Variants in FEZ2 observed in about 807,000 individuals in gnomAD.
The protein encoded by FEZ2 is fasciculation and elongation protein zeta 2, also known as fasciculation and elongation protein zeta-2.
Under a neutral mutation model 40.4 loss-of-function variants are expected in FEZ2, and 51 were observed. The observed-to-expected ratio is 1.26, with a 90% CI of 1.01 to 1.59. The LOEUF is 1.59. Among genes scored for constraint, FEZ2 ranks in the 40% most tolerant of loss-of-function variants. The probability of loss-of-function intolerance (pLI) is 0.00; values close to 1 mark genes in which losing one functional copy is unlikely to be tolerated. For synonymous variants in FEZ2, 242 were observed against 172.0 expected (o/e 1.41, Z -3.18); for missense variants, 640 against 438.3 (o/e 1.46, Z -4.11).
rs752066786 is a variant in FEZ2 at position 36,583,370 on chromosome 2, G to T, written c.475C>A (p.Leu159Ile). ...CTCTATACCTGGTCTGCCGTGAAGAGGGGTTCATCATTAACACAGGAGACG... is the reference window on the plus strand; with the variant it reads ...CTCTATACCTGGTCTGCCGTGAAGATGGGTTCATCATTAACACAGGAGACG... ...IIVSCVNDEP[L>I]FTADQVIEEI... Residue 159 changes from leucine (L) to isoleucine (I), a missense_variant, in exon 3 of 8, where the codon CTC (leucine) becomes ATC (isoleucine). Leu to Ile is a conservative substitution (Grantham distance 5, BLOSUM62 2). Coordinates refer to ENST00000405912, the MANE Select transcript of FEZ2 (RefSeq NM_005102.3). The T allele has an allele frequency of 1.3e-6, 2 of 1,579,842 alleles. No homozygotes were observed. Among genetic ancestry groups the T allele is most frequent in the Non-Finnish European group, 1.7e-6 (2 of 1,148,970 alleles).
intron 6 of FEZ2, chr2:36,557,803 A>C (rs1424900712): frequency 6.6e-6 from 1 of 152,146 alleles, no homozygotes; most frequent in Non-Finnish European, 1.5e-5. Flanking sequence ...ATTTGCGGCC[A>C]TCATAAGAGA....
intron 5 of FEZ2, among the ~76,000 whole-genome samples, chr2:36,574,750 C>G (rs1053842512): frequency 2.0e-5 from 3 of 152,152 alleles, no homozygotes; most frequent in African/African-American, 7.2e-5. Context: ...ACAGCATGGT[C>G]AGCACAAAGA....
At chr2:36,559,791 T>G (rs1181971586) in intron 5 of FEZ2, among the ~76,000 whole-genome samples, 1 of 152,236 alleles carries the variant, frequency 6.6e-6, no homozygotes, top group East Asian at 1.9e-4. Context: ...ACTGACAGTC[T>G]GGAAGATTCC....
At chr2:36,561,499 G>C (rs571970533) in intron 5 of FEZ2, 3 of 152,130 alleles carry the variant, frequency 2.0e-5, no homozygotes, top group Admixed American at 6.5e-5. Flanking sequence ...TTTCCACTCC[G>C]TTTCTAGGAA....
intron 2 of FEZ2, among the ~76,000 whole-genome samples, chr2:36,587,250 A>G (rs1299091569): frequency 2.0e-5 from 3 of 152,212 alleles, no homozygotes; most frequent in South Asian, 4.1e-4. Context: ...TTCCAGAGAG[A>G]GAGCCAAGTC....
At chr2:36,560,916 A>C (rs1181414251) in intron 5 of FEZ2, 1 of 1,177,470 alleles carries the variant, frequency 8.5e-7, no homozygotes, top group Non-Finnish European at 1.2e-6. Context: ...AAAGAAGTTC[A>C]AAGTCTATTA....
chr2:36,597,933 C>T lies in FEZ2; in HGVS notation c.210G>A (p.Glu70=). 1 of 1,439,116 alleles carries T rather than the reference C, an allele frequency of 6.9e-7. No individual in the cohort carries two copies. Among genetic ancestry groups the T allele is most frequent in the East Asian group, 3.0e-5 (1 of 33,358 alleles). The allele number at this position is 1,439,116 out of a possible 1,614,324, so 89.1% of individuals were successfully genotyped here. A position where few individuals can be genotyped will look rare whatever the true frequency, so the allele number is the denominator to read the frequency against. The change falls in exon 1 of 8, where the codon GAG becomes GAA. Residue 70 remains glutamate (E), a synonymous_variant. Transcript: ENST00000405912. ...TGGGCCGCACGGCCGTCCTCGGGGG[C>T]TCGGCGCCCGGATCCGAGGGGCGGA... ...LCFRPSDPGA[E]PPRTAVRPIT...
At chr2:36,557,289 G>A (rs565497027) in intron 6 of FEZ2, 4 of 152,158 alleles carry the variant, frequency 2.6e-5, no homozygotes, top group Non-Finnish European at 5.9e-5. Flanking sequence ...AAAATAAGAG[G>A]GCTAGCTACC....
intron 2 of FEZ2, among the ~76,000 whole-genome samples, chr2:36,585,582 T>C (rs766991709): frequency 1.4e-4 from 21 of 152,204 alleles, no homozygotes; most frequent in African/African-American, 4.1e-4. Context: ...TACGGCTCTA[T>C]TGAGGCTGAA....
rs1222050033 is a variant in FEZ2, at chr2:36,552,598, C to T, written c.*565G>A. ...GAAACAAGCAGCAAGCTACAAAATC[C>T]ATCACCACCAACAGTTTCAATGTTA... On this transcript the variant is annotated 3_prime_UTR_variant, in exon 8 of 8. Transcript: ENST00000405912. The T allele has an allele frequency of 4.1e-6, 1 of 243,594 alleles. No individual in the cohort carries two copies. Among genetic ancestry groups the T allele is most frequent in the African/African-American group, 2.3e-5 (1 of 43,212 alleles). The allele number at this position is 243,594 out of a possible 1,614,324, so 15.1% of individuals were successfully genotyped here.
chr2:36,591,373 T>G lies in FEZ2; in HGVS notation c.267-362A>C, dbSNP rs192053770. On this transcript the variant is annotated intron_variant, in intron 1 of 7. Transcript: ENST00000405912. ...AAGGGGGAACCATTATTAACCTCAT[T>G]TTACAGATGAAGAAACTGAAACACA... is the stretch of plus-strand genomic sequence containing the variant. The G allele has an allele frequency of 6.1e-5, 11 of 179,348 alleles. No homozygotes were observed. The East Asian group carries it at 1.7e-3, about 28-fold the overall frequency. 11.1% of individuals were successfully genotyped at this position (179,348 alleles called of 1,614,324 possible).
At chr2:36,569,741 C>T (rs1668355347) in intron 5 of FEZ2, among the ~76,000 whole-genome samples, 1 of 152,184 alleles carries the variant, frequency 6.6e-6, no homozygotes. Context: ...ACTATTCCCG[C>T]TATCAAACTT....
chr2:36,580,289 G>C (rs1383978754), intron 4 of FEZ2, among the ~76,000 whole-genome samples: 4 of 152,198 alleles, frequency 2.6e-5, no homozygotes, highest in Non-Finnish European at 5.9e-5. Context: ...CCATCTGAAA[G>C]AATTTGGTCT....
Position 36,559,708 on chromosome 2 carries a change from G to A in FEZ2, c.904-1195C>T, listed in dbSNP as rs144852023. ...TCACTCTGCATGTGTGAGGCAACCT[G>A]GAGAGGCACCAGGCGGCTGCACCCT... On this transcript the variant is annotated intron_variant, in intron 5 of 7. Transcript: ENST00000405912. 2.1e-3 allele frequency among the ~76,000 whole-genome samples: 320 copies of A among 152,294 alleles called. 2 individuals are homozygous for A. The highest frequency in any genetic ancestry group is 0.011 in the South Asian group (51 of 4,824).
At chr2:36,575,849 TATGCCAACTACAAATTGA>T (rs1417936742) in intron 5 of FEZ2, among the ~76,000 whole-genome samples, 2 of 152,160 alleles carry the variant, frequency 1.3e-5, no homozygotes, top group African/African-American at 4.8e-5. Flanking sequence ...GATTAAGTGG[TATGCCAACTACAAATTGA>T]TGTACTGCTT....
intron 2 of FEZ2, among the ~76,000 whole-genome samples, chr2:36,588,031 T>A (rs1558458248): frequency 6.6e-6 from 1 of 152,080 alleles, no homozygotes; most frequent in African/African-American, 2.4e-5. Context: ...TAAGGCTGTT[T>A]TTTTTTTTAT....
At chr2:36,563,825 G>A (rs978939603) in intron 5 of FEZ2, among the ~76,000 whole-genome samples, 1 of 152,090 alleles carries the variant, frequency 6.6e-6, no homozygotes, top group Non-Finnish European at 1.5e-5. Context: ...TCCCTGAACC[G>A]CTTCCTTGGA....
intron 3 of FEZ2, among the ~76,000 whole-genome samples, chr2:36,582,346 T>C (rs376969180): frequency 2.0e-5 from 3 of 151,892 alleles, no homozygotes; most frequent in Non-Finnish European, 4.4e-5. Flanking sequence ...CAAAGGCAAA[T>C]CTGAAGGAGA....
chr2:36,561,686 G>C (rs1365425124), intron 5 of FEZ2, among the ~76,000 whole-genome samples: 1 of 152,198 alleles, frequency 6.6e-6, no homozygotes, highest in Non-Finnish European at 1.5e-5. Flanking sequence ...AAAGGAGTGA[G>C]ATGGATTCTT....
Sources: gnomAD v4.1 joint callset for allele counts (sites outside exome capture counted in the v4.1 genomes callset) on GRCh38, gnomAD v4.1.1 for gene constraint, MANE v1.5 for transcripts, NCBI Gene and HGNC (gene_info 2026-07-23, HGNC 2026-07-21) for gene names.